USP34: variants seen among roughly 807,000 people sequenced by gnomAD.
The protein encoded by USP34 is ubiquitin carboxyl-terminal hydrolase 34.
Under a neutral mutation model 460.3 loss-of-function variants are expected in USP34, and 70 were observed. The observed-to-expected ratio is 0.15, with a 90% CI of 0.13 to 0.19. The LOEUF is 0.19. Ranked by LOEUF, USP34 falls within the 10% of genes least tolerant of loss-of-function variation. The pLI, the probability that USP34 is intolerant of heterozygous loss-of-function variation, is 1.00. For missense variants in USP34, 3,985 were observed against 4,236.2 expected, an observed-to-expected ratio of 0.94 and a Z score of 1.65; for synonymous variants, 1,647 against 1,405.3, an observed-to-expected ratio of 1.17 and a Z score of -3.85.
intron 6 of USP34, among the ~76,000 whole-genome samples, chr2:61,381,671 GT>G (rs200284102): frequency 0.013 from 1,942 of 152,228 alleles, 22 homozygotes; most frequent in Middle Eastern, 0.041. Context: ...TTTGAGGGAT[GT>G]TTTCTTACAC....
intron 67 of USP34, among the ~76,000 whole-genome samples, chr2:61,216,741 A>G (rs1213671900): frequency 1.3e-5 from 2 of 152,194 alleles, no homozygotes; most frequent in South Asian, 4.2e-4. Flanking sequence ...CAACATGGTG[A>G]AACCCATCTC....
chr2:61,324,202 A>T (rs74581462), intron 21 of USP34, among the ~76,000 whole-genome samples: 6,990 of 152,328 alleles, frequency 0.046, 232 homozygotes, highest in Middle Eastern at 0.088. Flanking sequence ...AGCTTTGGCT[A>T]ACAGAAATCA....
At chr2:61,281,473 G>A (rs1054139876) in intron 37 of USP34, among the ~76,000 whole-genome samples, 1 of 152,146 alleles carries the variant, frequency 6.6e-6, no homozygotes, top group Non-Finnish European at 1.5e-5. Flanking sequence ...TTAACCGGGT[G>A]TGGTGACTTG....
At chr2:61,453,841 A>G (rs1331774471) in intron 1 of USP34, among the ~76,000 whole-genome samples, 1 of 152,014 alleles carries the variant, frequency 6.6e-6, no homozygotes. Context: ...ACAGGAAAAC[A>G]TTAGTTAAAT....
chr2:61,371,287 T>G (rs1383591199), intron 8 of USP34, among the ~76,000 whole-genome samples: 1 of 152,152 alleles, frequency 6.6e-6, no homozygotes, highest in Non-Finnish European at 1.5e-5. Context: ...TATAAAAGTA[T>G]AGCATGTACA....
At chr2:61,369,983 T>TAAA (rs35212285) in intron 10 of USP34, among the ~76,000 whole-genome samples, 12 of 127,732 alleles carry the variant, frequency 9.4e-5, no homozygotes, top group African/African-American at 2.6e-4. Flanking sequence ...TATGCCTATT[T>TAAA]AAAAAAAAAA....
chr2:61,284,526 T>G (rs1022898273), intron 35 of USP34, among the ~76,000 whole-genome samples: 1 of 152,164 alleles, frequency 6.6e-6, no homozygotes, highest in Non-Finnish European at 1.5e-5. Context: ...TTAGATAACA[T>G]ATCAATGTTA....
intron 62 of USP34, 63 bp downstream of exon 62, chr2:61,227,004 A>G (rs1687747716): frequency 2.0e-6 from 3 of 1,517,926 alleles, no homozygotes; most frequent in Non-Finnish European, 2.6e-6. Flanking sequence ...CTAGTGGTAA[A>G]CAATTATGTA....
chr2:61,393,243 C>A, intron 5 of USP34, among the ~76,000 whole-genome samples: 1 of 151,952 alleles, frequency 6.6e-6, no homozygotes, highest in Non-Finnish European at 1.5e-5. Flanking sequence ...CCAGCCTAGC[C>A]AACATGGTGA....
chr2:61,246,619 T>C, intron 49 of USP34, 142 bp from the exon 50 acceptor site: 1 of 585,040 alleles, frequency 1.7e-6, no homozygotes, highest in Non-Finnish European at 2.6e-6. Flanking sequence ...ATGTGACGAG[T>C]TACTTAGAAT....
intron 1 of USP34, among the ~76,000 whole-genome samples, chr2:61,440,669 C>G (rs1694938045): frequency 6.6e-6 from 1 of 151,786 alleles, no homozygotes; most frequent in Non-Finnish European, 1.5e-5. Flanking sequence ...AGGCGCCCAC[C>G]ACCATACCCG....
At chr2:61,229,020 A>C (rs1344379293) in intron 59 of USP34, 25 bp from the exon 60 acceptor site, 1 of 1,512,366 alleles carries the variant, frequency 6.6e-7, no homozygotes, top group Non-Finnish European at 8.9e-7. Context: ...AATAGATCTT[A>C]GAGAATGTAT....
chr2:61,301,288 C>A (rs988110598), intron 28 of USP34, 66 bp downstream of exon 28: 1 of 1,550,358 alleles, frequency 6.5e-7, no homozygotes, highest in African/African-American at 1.4e-5. Context: ...TAAACTACAT[C>A]TGCGACTATT....
rs376154806 is a variant in USP34, at chr2:61,280,295, A to G, written c.5205T>C (p.Phe1735=). 1.3e-5 allele frequency: 21 copies of G among 1,561,358 alleles called. No individual in the cohort carries two copies. The highest frequency in any genetic ancestry group is 1.8e-5 in the Non-Finnish European group (21 of 1,155,484). The change falls in exon 39 of 80, where the codon TTT becomes TTC. Residue 1735 remains phenylalanine (F), a synonymous_variant. Transcript: ENST00000398571. ...TGTCAACTAATTTGCATAACAACCA[A>G]AAATACTCTTTACATCCTGGTTTTA... ...PILKPGCKEY[F]WLLCKLVDNI...
intron 18 of USP34, among the ~76,000 whole-genome samples, chr2:61,338,372 T>C (rs531050452): frequency 1.3e-5 from 2 of 152,278 alleles, no homozygotes; most frequent in South Asian, 2.1e-4. Context: ...ATTTACAAAG[T>C]TCTACTAGTG....
At chr2:61,350,068 A>T (rs1329847984) in intron 12 of USP34, among the ~76,000 whole-genome samples, 192 bp downstream of exon 12, 1 of 152,214 alleles carries the variant, frequency 6.6e-6, no homozygotes, top group Non-Finnish European at 1.5e-5. Flanking sequence ...CAAAGACTTC[A>T]TCACTATCCT....
intron 27 of USP34, among the ~76,000 whole-genome samples, chr2:61,310,678 T>C (rs1357671441): frequency 6.6e-6 from 1 of 150,782 alleles, no homozygotes; most frequent in Non-Finnish European, 1.5e-5. Context: ...CACATATACA[T>C]ATACATATAT....
intron 7 of USP34, among the ~76,000 whole-genome samples, chr2:61,379,380 T>G (rs537012040): frequency 9.3e-4 from 142 of 151,902 alleles, no homozygotes; most frequent in Non-Finnish European, 1.6e-3. Context: ...ATTAGCTGGG[T>G]GTTGTGGCGC....
chr2:61,397,215 G>T (rs975312286), intron 3 of USP34, among the ~76,000 whole-genome samples: 1 of 151,910 alleles, frequency 6.6e-6, no homozygotes, highest in Non-Finnish European at 1.5e-5. Flanking sequence ...GGCCAAGGTG[G>T]GCAGATCATT....
Sources: gnomAD v4.1 joint callset for allele counts (sites outside exome capture counted in the v4.1 genomes callset) on GRCh38, gnomAD v4.1.1 for gene constraint, MANE v1.5 for transcripts, NCBI Gene and HGNC (gene_info 2026-07-23, HGNC 2026-07-21) for gene names.